The following IFI44L variants were observed in gnomAD, a reference collection of about 807,000 sequenced individuals.
The protein encoded by IFI44L is interferon-induced protein 44-like.
In IFI44L, 40 loss-of-function variants were observed where a neutral mutation model predicts 39.3. That is an observed-to-expected ratio of 1.02 (90% CI 0.79 to 1.33). IFI44L has a LOEUF of 1.33. Ranked by LOEUF, IFI44L falls within the 40% of genes most tolerant of loss-of-function variation. The pLI, the probability that IFI44L is intolerant of heterozygous loss-of-function variation, is 0.00. For missense variants in IFI44L, 623 were observed against 549.0 expected (o/e 1.13, Z -1.35); for synonymous variants, 198 against 182.3 (o/e 1.09, Z -0.69).
chr1:78,633,107 A>G (rs976515081), intron 4 of IFI44L, among the ~76,000 whole-genome samples: 14 of 152,180 alleles, frequency 9.2e-5, no homozygotes, highest in Admixed American at 2.0e-4. Flanking sequence ...ATAACAAAAG[A>G]TACATTGAAG....
At chr1:78,631,215 T>G (rs760421529) in intron 4 of IFI44L, among the ~76,000 whole-genome samples, 1 of 152,160 alleles carries the variant, frequency 6.6e-6, no homozygotes, top group Non-Finnish European at 1.5e-5. Flanking sequence ...AAAGACTCTT[T>G]CCTTTGAATA....
At position 78,643,532 on chromosome 1, in the gene IFI44L, G is replaced by C. The variant is rs1461197391; in HGVS notation, c.*1723G>C. ...TAAGTTTAGGATTTTTAAGAGAAAG[G>C]CAGGTAAGGTGCTGAAGGTCTGGAG... is the stretch of plus-strand genomic sequence containing the variant. On this transcript the variant is annotated 3_prime_UTR_variant, in exon 9 of 9. Coordinates refer to ENST00000370751, the MANE Select transcript of IFI44L (RefSeq NM_006820.4). The C allele has an allele frequency of 6.6e-6, 1 of 152,050 alleles. No individual in the cohort carries two copies. Among genetic ancestry groups the C allele is most frequent in the African/African-American group, 2.4e-5 (1 of 41,408 alleles). The allele number at this position is 152,050 out of a possible 1,614,324, so 9.4% of individuals were successfully genotyped here.
At chr1:78,624,894 C>T (rs915216992) in intron 1 of IFI44L, among the ~76,000 whole-genome samples, 2 of 152,154 alleles carry the variant, frequency 1.3e-5, no homozygotes, top group African/African-American at 4.8e-5. Flanking sequence ...TAAGGACACA[C>T]ACCCCTTGCG....
intron 4 of IFI44L, 52 bp from the exon 5 acceptor site, chr1:78,635,285 T>C: frequency 7.2e-7 from 1 of 1,380,546 alleles, no homozygotes; most frequent in Non-Finnish European, 1.0e-6. Context: ...TTGTCATGTC[T>C]TGAATGCTGG....
intron 5 of IFI44L, chr1:78,636,768 A>C: frequency 5.6e-6 from 2 of 358,012 alleles, no homozygotes; most frequent in South Asian, 1.0e-4. Flanking sequence ...CAAAAATATT[A>C]TTTAAACTTT....
At chr1:78,637,812 T>C (rs564069730) in intron 6 of IFI44L, among the ~76,000 whole-genome samples, 46 of 152,126 alleles carry the variant, frequency 3.0e-4, no homozygotes, top group Non-Finnish European at 5.3e-4. Flanking sequence ...ATTTAAAAAA[T>C]TGTATAGTAT....
intron 8 of IFI44L, 42 bp from the exon 9 acceptor site, chr1:78,641,733 G>T (rs773555010): frequency 6.2e-7 from 1 of 1,611,828 alleles, no homozygotes. Context: ...AGCTACATTA[G>T]GATATATGTT....
At chr1:78,623,172 T>C (rs1386345469) in intron 1 of IFI44L, among the ~76,000 whole-genome samples, 2 of 152,154 alleles carry the variant, frequency 1.3e-5, no homozygotes, top group African/African-American at 4.8e-5. Context: ...AGGTACCTTT[T>C]CCTTTTTCAC....
Position 78,641,529 on chromosome 1 carries a change from A to G in IFI44L, c.1244A>G (p.Asp415Gly), listed in dbSNP as rs775125248. The G allele has an allele frequency of 2.0e-5, 32 of 1,613,630 alleles. No individual in the cohort carries two copies. The highest frequency in any genetic ancestry group is 2.6e-5 in the Non-Finnish European group (31 of 1,179,742). The change falls in exon 8 of 9, where the codon GAT becomes GGT. Residue 415 changes from aspartate (D) to glycine (G), a missense_variant. Transcript: ENST00000370751. ...ASDLELDPMK[D>G]ILILSALRQM... ...GATTTGGAACTGGACCCCATGAAGG[A>G]TATTCTCATCCTCTCTGCACTGAGG...
At chr1:78,629,685 T>C in intron 3 of IFI44L, 35 bp from the exon 4 acceptor site, 1 of 1,513,432 alleles carries the variant, frequency 6.6e-7, no homozygotes, top group South Asian at 1.2e-5. Context: ...TTATTGGCTG[T>C]TCTGATGCTG....
intron 6 of IFI44L, among the ~76,000 whole-genome samples, chr1:78,639,634 A>G (rs1280203041): frequency 6.6e-6 from 1 of 152,040 alleles, no homozygotes; most frequent in Non-Finnish European, 1.5e-5. Context: ...GCACTTTTCA[A>G]TCTTTATGTT....
At chr1:78,623,113 A>G (rs1652337591) in intron 1 of IFI44L, among the ~76,000 whole-genome samples, 1 of 152,230 alleles carries the variant, frequency 6.6e-6, no homozygotes, top group South Asian at 2.1e-4. Context: ...TTCCACATAT[A>G]AGATAATATC....
intron 4 of IFI44L, among the ~76,000 whole-genome samples, chr1:78,633,710 A>G (rs1440823255): frequency 6.6e-6 from 1 of 152,214 alleles, no homozygotes; most frequent in Non-Finnish European, 1.5e-5. Flanking sequence ...AAAGAGAGAA[A>G]ATAACGTGCC....
At chr1:78,624,612 G>A (rs1459307828) in intron 1 of IFI44L, among the ~76,000 whole-genome samples, 3 of 152,088 alleles carry the variant, frequency 2.0e-5, no homozygotes, top group African/African-American at 7.2e-5. Flanking sequence ...TAGTGTTCAA[G>A]TTTTCTGTTT....
At chr1:78,622,183 C>T (rs1206885106) in intron 1 of IFI44L, among the ~76,000 whole-genome samples, 2 of 152,078 alleles carry the variant, frequency 1.3e-5, no homozygotes, top group African/African-American at 2.4e-5. Flanking sequence ...TGAGTGAGAA[C>T]GTGTGATATT....
intron 8 of IFI44L, 71 bp from the exon 9 acceptor site, chr1:78,641,704 T>C: frequency 1.9e-6 from 3 of 1,603,084 alleles, no homozygotes; most frequent in South Asian, 1.1e-5. Context: ...GGGGCCCACC[T>C]GCATGCCCTA....
Position 78,644,890 on chromosome 1 carries a change from T to G in IFI44L, c.*3081T>G, listed in dbSNP as rs1016075597. ...TTAGGTTGTTGCATTAGAAAGTGACTGTTTCTGACAGAAATTTGTAGCTTT... is the reference window on the plus strand; with the variant it reads ...TTAGGTTGTTGCATTAGAAAGTGACGGTTTCTGACAGAAATTTGTAGCTTT... On this transcript the variant is annotated 3_prime_UTR_variant, in exon 9 of 9. Transcript: ENST00000370751. The G allele has an allele frequency of 3.9e-5, 6 of 152,200 alleles. No homozygotes were observed. The highest frequency in any genetic ancestry group is 1.2e-4 in the African/African-American group (5 of 41,444). The allele number at this position is 152,200 out of a possible 1,614,324, so 9.4% of individuals were successfully genotyped here. A position where few individuals can be genotyped will look rare whatever the true frequency, so the allele number is the denominator to read the frequency against.
Position 78,623,396 on chromosome 1 carries a change from GTTTTT to G in IFI44L, c.-11+2851_-11+2855del, listed in dbSNP as rs71078508. On this transcript the variant is annotated intron_variant, in intron 1 of 8. Transcript: ENST00000370751. ...TCTACTCCTGGTTTAAGTGTTTTTT[GTTTTT>G]TTTTTTTTTTTTTTTTTTTTTTTTT... Among the ~76,000 whole-genome samples, 407 of 121,338 alleles carry G rather than the reference GTTTTT, an allele frequency of 3.4e-3. 5 individuals carry two copies. The highest frequency in any genetic ancestry group is 0.013 in the African/African-American group (376 of 29,056). 79.6% of individuals were successfully genotyped at this position (121,338 alleles called of 152,430 possible).
intron 5 of IFI44L, among the ~76,000 whole-genome samples, chr1:78,636,499 A>G (rs531090534): frequency 1.3e-5 from 2 of 152,260 alleles, no homozygotes; most frequent in South Asian, 4.1e-4. Flanking sequence ...TCTTAGAAAG[A>G]TTACTGTCTT....
Sources: gnomAD v4.1 joint callset for allele counts (sites outside exome capture counted in the v4.1 genomes callset) on GRCh38, gnomAD v4.1.1 for gene constraint, MANE v1.5 for transcripts, NCBI Gene and HGNC (gene_info 2026-07-23, HGNC 2026-07-21) for gene names.